Variants in ADCY8 observed in about 807,000 individuals in gnomAD.
ADCY8 encodes the protein adenylate cyclase type 8.
Under a neutral mutation model 119.7 loss-of-function variants are expected in ADCY8, and 51 were observed. That is an observed-to-expected ratio of 0.43 (90% confidence interval 0.34 to 0.54). The LOEUF (loss-of-function observed/expected upper bound fraction) is 0.54, where lower values mean the gene tolerates loss of function less well. ADCY8 is among the 20% of genes least tolerant of loss of function. ADCY8 has a pLI of 0.03. For missense variants in ADCY8, 1,383 were observed against 1,598.8 expected (o/e 0.87, Z 2.30); for synonymous variants, 665 against 651.0 (o/e 1.02, Z -0.33).
intron 17 of ADCY8, among the ~76,000 whole-genome samples, chr8:130,781,907 T>C (rs989817339): frequency 3.9e-5 from 6 of 152,180 alleles, no homozygotes; most frequent in African/African-American, 9.7e-5. Flanking sequence ...GGTACAGTCC[T>C]AGGCATTGGG....
rs1438253345 is a variant in ADCY8 at position 130,961,452 on chromosome 8, TG to T, written c.1111-9455del. On this transcript the variant is annotated intron_variant, in intron 2 of 17. Coordinates refer to ENST00000286355, the MANE Select transcript of ADCY8 (RefSeq NM_001115.3). Reference sequence around the variant, plus strand: ...ATAAATCTCTTCATAAATCTCTTTATGAAGAGATTTATGAGTCTTTATGAGT... The same window carrying T: ...ATAAATCTCTTCATAAATCTCTTTATAAGAGATTTATGAGTCTTTATGAGT... 4.6e-5 allele frequency among the ~76,000 whole-genome samples: 7 copies of T among 152,286 alleles called. No homozygotes were observed. In the East Asian group the frequency reaches 1.4e-3, roughly 29 times the overall value.
At chr8:130,952,020 G>A (rs375249181) in intron 2 of ADCY8, 22 bp from the exon 3 acceptor site, 10 of 1,613,086 alleles carry the variant, frequency 6.2e-6, no homozygotes, top group African/African-American at 4.0e-5. Flanking sequence ...GAAGAGGGAC[G>A]GTCCTGTTAG....
intron 9 of ADCY8, among the ~76,000 whole-genome samples, chr8:130,852,376 TA>T (rs1586482759): frequency 1.3e-5 from 2 of 152,220 alleles, no homozygotes; most frequent in East Asian, 3.9e-4. Context: ...CAGAGGGCTC[TA>T]GGCAGATGGG....
rs554994778 is a variant in ADCY8 at position 131,039,775 on chromosome 8, C to T, written c.559G>A (p.Val187Met). 14 of 1,614,218 alleles carry T rather than the reference C, an allele frequency of 8.7e-6. No individual in the cohort carries two copies. Among genetic ancestry groups the T allele is most frequent in the Non-Finnish European group, 1.0e-5 (12 of 1,180,048 alleles). The change falls in exon 1 of 18, where the codon GTG becomes ATG. Residue 187 changes from valine to methionine, a missense_variant. Val to Met is a conservative substitution (Grantham distance 21, BLOSUM62 1). Transcript: ENST00000286355. ...GTGAGTTTGGTCAGCACGTCCAGCA[C>T]GTTCATCACCACTTCCGATTTGCGC... ...QRRKSEVVMN[V>M]LDVLTKLTLL...
intron 4 of ADCY8, among the ~76,000 whole-genome samples, chr8:130,940,440 C>A (rs1820922644): frequency 6.6e-6 from 1 of 152,110 alleles, no homozygotes; most frequent in Admixed American, 6.6e-5. Flanking sequence ...GAGCTGGTAG[C>A]CTCCTTGAAA....
Position 130,894,345 on chromosome 8 carries a change from G to C in ADCY8, c.1911+9427C>G, listed in dbSNP as rs186514295. ...CTATAAGAATGGTGTAATTGGTTTA[G>C]CTTTTCTGGTTTTTTATTATCCCGC... On this transcript the variant is annotated intron_variant, in intron 7 of 17. Coordinates refer to ENST00000286355, the MANE Select transcript of ADCY8 (RefSeq NM_001115.3). Among the ~76,000 whole-genome samples the C allele has an allele frequency of 1.3e-3, 204 of 152,206 alleles. 2 individuals carry two copies. The highest frequency in any genetic ancestry group is 2.1e-3 in the South Asian group (10 of 4,824).
intron 5 of ADCY8, among the ~76,000 whole-genome samples, chr8:130,932,854 T>C (rs1430069100): frequency 6.6e-6 from 1 of 152,200 alleles, no homozygotes; most frequent in African/African-American, 2.4e-5. Context: ...TCTATGGTTG[T>C]AGAGGATTTC....
At chr8:130,785,319 G>A (rs574367052) in intron 16 of ADCY8, 64 bp downstream of exon 16, 34 of 1,153,244 alleles carry the variant, frequency 2.9e-5, no homozygotes, top group East Asian at 2.1e-4. Flanking sequence ...CTTCACCACC[G>A]TCGGTGACAT....
chr8:130,788,678 T>C (rs1815332979), intron 15 of ADCY8, among the ~76,000 whole-genome samples: 1 of 152,210 alleles, frequency 6.6e-6, no homozygotes. Flanking sequence ...GTAATGAATA[T>C]GCTACTTATT....
chr8:130,919,125 G>A (rs746421569), intron 5 of ADCY8, among the ~76,000 whole-genome samples: 25 of 152,296 alleles, frequency 1.6e-4, no homozygotes, highest in African/African-American at 5.5e-4. Flanking sequence ...TTTAAACAGA[G>A]CTCTGTGGGA....
intron 15 of ADCY8, among the ~76,000 whole-genome samples, chr8:130,786,869 G>A (rs1797241694): frequency 6.6e-6 from 1 of 152,058 alleles, no homozygotes; most frequent in South Asian, 2.1e-4. Flanking sequence ...AAAGGGTGAG[G>A]AGGGGTTTTT....
chr8:130,806,775 C>T (rs967727563), intron 14 of ADCY8, among the ~76,000 whole-genome samples: 3 of 152,190 alleles, frequency 2.0e-5, no homozygotes, highest in Non-Finnish European at 4.4e-5. Flanking sequence ...TGATCCCTCA[C>T]CTGGGTGCCT....
At chr8:131,039,297 C>G in intron 1 of ADCY8, 77 bp downstream of exon 1, 1 of 1,562,176 alleles carries the variant, frequency 6.4e-7, no homozygotes, top group Non-Finnish European at 8.7e-7. Flanking sequence ...TGAGGCAACC[C>G]TGGCTCTCTG....
At position 130,855,418 on chromosome 8, in the gene ADCY8, C is replaced by A. The variant is rs192950899; in HGVS notation, c.2211-5615G>T. 1.2e-4 allele frequency among the ~76,000 whole-genome samples: 19 copies of A among 152,176 alleles called. No individual in the cohort carries two copies. The East Asian group carries it at 3.7e-3, about 29-fold the overall frequency. On this transcript the variant is annotated intron_variant, in intron 9 of 17. Transcript: ENST00000286355. ...TTTCCTTCCTTGTCAGGATTTTTCT[C>A]CTCGCTAGGTAAGGTTGGGGTGTGG... is the stretch of plus-strand genomic sequence containing the variant.
At chr8:130,786,096 A>T (rs780435307) in intron 15 of ADCY8, among the ~76,000 whole-genome samples, 13 of 152,134 alleles carry the variant, frequency 8.5e-5, no homozygotes, top group Non-Finnish European at 1.8e-4. Flanking sequence ...CCATTCCCAC[A>T]TACATATTCT....
intron 9 of ADCY8, among the ~76,000 whole-genome samples, chr8:130,850,070 G>T (rs1201129265): frequency 6.6e-6 from 1 of 151,804 alleles, no homozygotes; most frequent in African/African-American, 2.4e-5. Context: ...ATTAATTTTT[G>T]TCACTAGGCA....
intron 1 of ADCY8, among the ~76,000 whole-genome samples, chr8:131,015,349 C>A (rs1442720466): frequency 1.3e-5 from 2 of 152,106 alleles, no homozygotes; most frequent in Non-Finnish European, 2.9e-5. Flanking sequence ...GGTGGAGTAG[C>A]CAGGGAAGGT....
At chr8:130,815,912 T>TGAGAG (rs1816324803) in intron 13 of ADCY8, among the ~76,000 whole-genome samples, 1 of 152,214 alleles carries the variant, frequency 6.6e-6, no homozygotes, top group African/African-American at 2.4e-5. Context: ...CCTCTTGTCC[T>TGAGAG]AGCCTCCCCT....
intron 5 of ADCY8, among the ~76,000 whole-genome samples, chr8:130,916,615 T>C (rs546651176): frequency 6.6e-6 from 1 of 152,140 alleles, no homozygotes; most frequent in Non-Finnish European, 1.5e-5. Context: ...AGCTGGAAGA[T>C]TGTGGGTTTA....
Sources: allele counts gnomAD v4.1 joint callset (sites outside exome capture counted in the v4.1 genomes callset), GRCh38; gene constraint gnomAD v4.1.1; transcripts MANE v1.5; gene names NCBI Gene and HGNC (gene_info 2026-07-23, HGNC 2026-07-21).